NEGR1: variants seen among roughly 807,000 people sequenced by gnomAD.
The protein encoded by NEGR1 is IgLON family member 4.
In NEGR1, 10 loss-of-function variants were observed where a neutral mutation model predicts 40.9. The observed-to-expected ratio is 0.24, with a 90% CI of 0.15 to 0.42. The LOEUF is 0.42. Ranked by LOEUF, NEGR1 falls within the 10% of genes least tolerant of loss-of-function variation. NEGR1 has a pLI of 1.00. For synonymous variants in NEGR1, 185 were observed against 166.8 expected (o/e 1.11, Z -0.84); for missense variants, 352 against 438.9 (o/e 0.80, Z 1.77).
chr1:71,700,052 C>A (rs1653632935), intron 3 of NEGR1, among the ~76,000 whole-genome samples: 1 of 151,820 alleles, frequency 6.6e-6, no homozygotes, highest in Non-Finnish European at 1.5e-5. Context: ...ACTAATACAA[C>A]AACATAATAG....
chr1:71,819,228 A>G (rs522395), intron 2 of NEGR1, among the ~76,000 whole-genome samples: 1 of 151,880 alleles, frequency 6.6e-6, no homozygotes, highest in East Asian at 1.9e-4. Flanking sequence ...CAGCTTTTCT[A>G]TTCTTGGAAA....
intron 2 of NEGR1, among the ~76,000 whole-genome samples, chr1:71,817,865 G>A (rs550136182): frequency 2.0e-5 from 3 of 152,052 alleles, no homozygotes; most frequent in Non-Finnish European, 4.4e-5. Context: ...CCACTAGCAT[G>A]CATTGCTATT....
intron 6 of NEGR1, among the ~76,000 whole-genome samples, chr1:71,500,469 A>G (rs1569953108): frequency 6.6e-6 from 1 of 152,040 alleles, no homozygotes; most frequent in East Asian, 1.9e-4. Flanking sequence ...GGAATTAATC[A>G]ATTTCGTCAC....
chr1:71,415,147 A>T (rs941601050), intron 6 of NEGR1, among the ~76,000 whole-genome samples: 9 of 151,934 alleles, frequency 5.9e-5, no homozygotes, highest in Non-Finnish European at 1.2e-4. Context: ...TTCATTTGAT[A>T]AAAAAACAAT....
chr1:71,532,913 A>T (rs1351020566), intron 6 of NEGR1, among the ~76,000 whole-genome samples: 1 of 151,620 alleles, frequency 6.6e-6, no homozygotes, highest in East Asian at 2.0e-4. Flanking sequence ...AATTTCTACA[A>T]AAAGGGAAAA....
At chr1:71,544,225 A>AT (rs1194731425) in intron 6 of NEGR1, among the ~76,000 whole-genome samples, 1 of 151,684 alleles carries the variant, frequency 6.6e-6, no homozygotes, top group South Asian at 2.1e-4. Context: ...AGTAGTATAT[A>AT]TTTTTTGCTA....
intron 1 of NEGR1, among the ~76,000 whole-genome samples, chr1:72,143,930 T>TATATATATATATATAAA (rs1650804238): frequency 7.1e-6 from 1 of 140,506 alleles, no homozygotes. Flanking sequence ...TATATATATA[T>TATATATATATATATAAA]ATATATATAT....
chr1:71,431,846 T>TA (rs1488799326), intron 6 of NEGR1, among the ~76,000 whole-genome samples: 1 of 152,204 alleles, frequency 6.6e-6, no homozygotes, highest in African/African-American at 2.4e-5. Flanking sequence ...GAGATTTAAA[T>TA]AAAGTAATTC....
chr1:72,138,319 A>G (rs1650546233), intron 1 of NEGR1, among the ~76,000 whole-genome samples: 1 of 152,054 alleles, frequency 6.6e-6, no homozygotes, highest in Non-Finnish European at 1.5e-5. Context: ...GAAATAAACA[A>G]CAAAGAGGAC....
At chr1:72,071,927 G>T (rs1248422693) in intron 1 of NEGR1, among the ~76,000 whole-genome samples, 1 of 152,106 alleles carries the variant, frequency 6.6e-6, no homozygotes, top group Non-Finnish European at 1.5e-5. Context: ...TCCTGCTTAA[G>T]AAGTTTTCAA....
intron 1 of NEGR1, among the ~76,000 whole-genome samples, chr1:72,093,942 A>G (rs1424387280): frequency 6.6e-6 from 1 of 152,234 alleles, no homozygotes; most frequent in African/African-American, 2.4e-5. Context: ...TTTTAAAAAG[A>G]ATTGAACAGC....
chr1:71,607,932 C>T (rs912633219), intron 5 of NEGR1, among the ~76,000 whole-genome samples: 7 of 152,122 alleles, frequency 4.6e-5, no homozygotes, highest in Non-Finnish European at 8.8e-5. Context: ...TGTGATCCAC[C>T]CGTCTTTGCC....
In NEGR1 at chr1:72,259,886, T is replaced by G. The variant is rs1192555197; in HGVS notation, c.176+22433A>C. ...TTTTGTTAATGCTCACCTTTTCTTT[T>G]ACTATTCTTATTCCTCTATTTCAGT... On this transcript the variant is annotated intron_variant, in intron 1 of 6. Transcript: ENST00000357731. Among the ~76,000 whole-genome samples the G allele has an allele frequency of 1.2e-4, 18 of 152,124 alleles. 1 individual carries two copies. In the East Asian group the frequency reaches 3.3e-3, roughly 28 times the overall value.
intron 1 of NEGR1, among the ~76,000 whole-genome samples, chr1:72,228,558 A>G (rs751457367): frequency 1.1e-4 from 16 of 152,028 alleles, no homozygotes; most frequent in Admixed American, 2.0e-4. Flanking sequence ...TATATCTCCT[A>G]TTGGTTCTGT....
intron 1 of NEGR1, among the ~76,000 whole-genome samples, chr1:72,192,610 C>A (rs1224455331): frequency 6.6e-6 from 1 of 151,678 alleles, no homozygotes; most frequent in Admixed American, 6.6e-5. Context: ...GTATTTTTAG[C>A]AATGATTCAG....
intron 1 of NEGR1, among the ~76,000 whole-genome samples, chr1:72,032,397 C>T (rs1646866094): frequency 6.6e-6 from 1 of 152,178 alleles, no homozygotes; most frequent in African/African-American, 2.4e-5. Context: ...TAAAATTACA[C>T]TTGAGCTGTC....
rs1655191344 is a variant in NEGR1, at chr1:71,740,869, T to G, written c.535+35303A>C. Among the ~76,000 whole-genome samples the G allele has an allele frequency of 2.0e-5, 3 of 152,170 alleles. No homozygotes were observed. The South Asian group carries it at 6.2e-4, about 32-fold the overall frequency. Reference sequence around the variant, plus strand: ...TAAATAACAATTCTTATGGTCAAGTTATGCTTTGGAAATTTCAGAGTTGAC... The same window carrying G: ...TAAATAACAATTCTTATGGTCAAGTGATGCTTTGGAAATTTCAGAGTTGAC... On this transcript the variant is annotated intron_variant, in intron 3 of 6. Transcript: ENST00000357731.
chr1:71,936,646 T>A lies in NEGR1; in HGVS notation c.177-1335A>T, dbSNP rs75786698. On this transcript the variant is annotated intron_variant, in intron 1 of 6. Transcript: ENST00000357731. ...AATTTCAGGGAACTACAAATAACCA[T>A]GAGATATATGGTAAAAGGCATGAGA... Among the ~76,000 whole-genome samples, 727 of 152,212 alleles carry A rather than the reference T, an allele frequency of 4.8e-3. 7 individuals carry two copies. The highest frequency in any genetic ancestry group is 0.016 in the African/African-American group (661 of 41,544).
intron 4 of NEGR1, among the ~76,000 whole-genome samples, chr1:71,649,197 G>T (rs1246584714): frequency 2.6e-5 from 4 of 152,060 alleles, no homozygotes; most frequent in Admixed American, 2.6e-4. Flanking sequence ...ATGATAATAT[G>T]CAGTACTAGT....
Sources: gnomAD v4.1 joint callset for allele counts (sites outside exome capture counted in the v4.1 genomes callset) on GRCh38, gnomAD v4.1.1 for gene constraint, MANE v1.5 for transcripts, NCBI Gene and HGNC (gene_info 2026-07-23, HGNC 2026-07-21) for gene names.